The following LYRM4 variants were observed in gnomAD, a reference collection of about 807,000 sequenced individuals.
The protein encoded by LYRM4 is LYR motif containing 4, also known as LYR motif-containing protein 4.
LYRM4 carries 9 observed loss-of-function variants against 11.7 expected under a neutral mutation model. The ratio of observed to expected loss-of-function variants is 0.77; its 90% CI spans 0.46 to 1.34. LYRM4 has a LOEUF of 1.34. Ranked by LOEUF, LYRM4 falls within the 40% of genes most tolerant of loss-of-function variation. LYRM4 has a pLI of 0.00. For synonymous variants in LYRM4, 42 were observed against 40.4 expected (o/e 1.04, Z -0.15); for missense variants, 133 against 112.5 (o/e 1.18, Z -0.82).
At chr6:5,204,989 T>C (rs1272861741) in intron 2 of LYRM4, among the ~76,000 whole-genome samples, 1 of 152,148 alleles carries the variant, frequency 6.6e-6, no homozygotes, top group Non-Finnish European at 1.5e-5. Flanking sequence ...CTCCCTACGT[T>C]TTCCTACCAA....
intron 2 of LYRM4, among the ~76,000 whole-genome samples, chr6:5,130,479 C>T (rs1009535164): frequency 1.3e-5 from 2 of 152,224 alleles, no homozygotes; most frequent in African/African-American, 2.4e-5. Context: ...GAGCCACTCA[C>T]GTTTACCACC....
intron 1 of LYRM4, among the ~76,000 whole-genome samples, chr6:5,243,020 G>A (rs1364095597): frequency 6.6e-6 from 1 of 151,854 alleles, no homozygotes; most frequent in Non-Finnish European, 1.5e-5. Context: ...TGATCCACCC[G>A]CCTCGGCCTC....
chr6:5,037,650 A>T, the LYRM4 span, among the ~76,000 whole-genome samples: 45 of 34,942 alleles, frequency 1.3e-3, no homozygotes, highest in African/African-American at 2.7e-3. Context: ...TGATCCCCCC[A>T]CCTCCCTCCC....
intron 1 of LYRM4, among the ~76,000 whole-genome samples, chr6:5,243,696 C>A (rs190340775): frequency 6.6e-6 from 1 of 152,082 alleles, no homozygotes; most frequent in Non-Finnish European, 1.5e-5. Context: ...ATAATAGAAG[C>A]TATGAAACAA....
intron 2 of LYRM4, among the ~76,000 whole-genome samples, chr6:5,159,298 A>G (rs1758612033): frequency 1.3e-5 from 2 of 152,204 alleles, no homozygotes; most frequent in African/African-American, 4.8e-5. Flanking sequence ...CAATGCTGGG[A>G]CAAAGGGACA....
intron 2 of LYRM4, among the ~76,000 whole-genome samples, chr6:5,110,485 C>T (rs1762831871): frequency 6.6e-6 from 1 of 152,194 alleles, no homozygotes; most frequent in Non-Finnish European, 1.5e-5. Flanking sequence ...TTTTCCATGC[C>T]ATTTGCTCGG....
the LYRM4 span, among the ~76,000 whole-genome samples, chr6:5,070,869 GAAAAA>G: frequency 6.9e-4 from 33 of 48,098 alleles, no homozygotes; most frequent in Admixed American, 6.0e-3. Flanking sequence ...ACCCTGTCTT[GAAAAA>G]AAAAAAAAAA....
chr6:5,212,612 G>T (rs1389943130), intron 2 of LYRM4, among the ~76,000 whole-genome samples: 1 of 152,228 alleles, frequency 6.6e-6, no homozygotes, highest in Non-Finnish European at 1.5e-5. Flanking sequence ...TTTCTGCAGA[G>T]AGGGAGAACC....
At chr6:5,059,340 C>CAAAAA in the LYRM4 span, among the ~76,000 whole-genome samples, 1 of 86,016 alleles carries the variant, frequency 1.2e-5, no homozygotes, top group African/African-American at 4.0e-5. Context: ...CGCCCTGTCT[C>CAAAAA]AAAAAAAAAA....
At chr6:5,218,731 T>A (rs964689845) in intron 1 of LYRM4, among the ~76,000 whole-genome samples, 3 of 152,214 alleles carry the variant, frequency 2.0e-5, no homozygotes, top group African/African-American at 7.2e-5. Context: ...CTGGGGCTCA[T>A]TCACTTCTAA....
intron 2 of LYRM4, among the ~76,000 whole-genome samples, chr6:5,138,091 T>C (rs1245984345): frequency 1.3e-5 from 2 of 152,186 alleles, no homozygotes; most frequent in Non-Finnish European, 2.9e-5. Context: ...AAAAGGATTC[T>C]ATAAAGACTA....
At chr6:5,256,491 GAA>G (rs1161084364) in intron 1 of LYRM4, among the ~76,000 whole-genome samples, 197 of 43,810 alleles carry the variant, frequency 4.5e-3, no homozygotes, top group Non-Finnish European at 5.3e-3. Context: ...ATTTCAACTG[GAA>G]AAAAAAAAAA....
chr6:5,163,327 C>T (rs573816272), intron 2 of LYRM4, among the ~76,000 whole-genome samples: 1 of 152,276 alleles, frequency 6.6e-6, no homozygotes, highest in Admixed American at 6.5e-5. Context: ...GCCATGCCCA[C>T]TGCACTGCAC....
chr6:5,118,090 A>G (rs1444491993), intron 2 of LYRM4, among the ~76,000 whole-genome samples: 1 of 27,740 alleles, frequency 3.6e-5, no homozygotes, highest in East Asian at 2.7e-3. Flanking sequence ...ATATATATAT[A>G]TATATTTTTG....
At chr6:5,231,452 A>T (rs963976918) in intron 1 of LYRM4, among the ~76,000 whole-genome samples, 1 of 152,130 alleles carries the variant, frequency 6.6e-6, no homozygotes, top group Non-Finnish European at 1.5e-5. Context: ...GATTGAATCC[A>T]GGGCAAGAGA....
intron 2 of LYRM4, among the ~76,000 whole-genome samples, chr6:5,118,100 G>GTTTTC (rs1207733403): frequency 1.0e-5 from 1 of 95,356 alleles, no homozygotes; most frequent in African/African-American, 4.0e-5. Flanking sequence ...ATATATTTTT[G>GTTTTC]TTTTGTTTTG....
chr6:5,179,065 CAAAAAAAAAAAAAAAAAA>C (rs58749743), intron 2 of LYRM4, among the ~76,000 whole-genome samples: 2 of 103,904 alleles, frequency 1.9e-5, no homozygotes, highest in Non-Finnish European at 3.9e-5. Context: ...ACCAAAAAAA[CAAAAAAAAAAAAAAAAAA>C]AAAAAAGAAA....
At chr6:5,037,910 C>T in the LYRM4 span, among the ~76,000 whole-genome samples, 4 of 56,194 alleles carry the variant, frequency 7.1e-5, 1 homozygote, top group Non-Finnish European at 1.3e-4. Context: ...CGCCCCTCAC[C>T]TCCCGGACGG....
intron 2 of LYRM4, among the ~76,000 whole-genome samples, chr6:5,119,523 A>T (rs1763308926): frequency 6.6e-6 from 1 of 152,052 alleles, no homozygotes; most frequent in African/African-American, 2.4e-5. Flanking sequence ...GTGGTGTCTC[A>T]CACCTGTGAT....
Sources: allele counts gnomAD v4.1 joint callset (sites outside exome capture counted in the v4.1 genomes callset), GRCh38; gene constraint gnomAD v4.1.1; transcripts MANE v1.5; gene names NCBI Gene and HGNC (gene_info 2026-07-23, HGNC 2026-07-21).